Variants in PRKG1 observed in about 807,000 individuals in gnomAD.
The protein encoded by PRKG1 is cGMP-dependent protein kinase 1.
In PRKG1, 35 loss-of-function variants were observed where a neutral mutation model predicts 88.1. The ratio of observed to expected loss-of-function variants is 0.40; its 90% CI spans 0.30 to 0.53. The LOEUF (loss-of-function observed/expected upper bound fraction) is 0.53, where lower values mean the gene tolerates loss of function less well. Ranked by LOEUF, PRKG1 falls within the 20% of genes least tolerant of loss-of-function variation. PRKG1 has a pLI of 0.59. For synonymous variants in PRKG1, 303 were observed against 292.5 expected (o/e 1.04, Z -0.37); for missense variants, 540 against 839.8 (o/e 0.64, Z 4.41).
intron 4 of PRKG1, among the ~76,000 whole-genome samples, chr10:51,879,999 T>G (rs1031046692): frequency 3.3e-5 from 5 of 152,226 alleles, no homozygotes; most frequent in African/African-American, 9.6e-5. Flanking sequence ...GTAAGTGAGA[T>G]TTCTGCATTG....
chr10:51,223,463 G>A (rs1838606343), intron 2 of PRKG1, among the ~76,000 whole-genome samples: 1 of 152,108 alleles, frequency 6.6e-6, no homozygotes, highest in Non-Finnish European at 1.5e-5. Flanking sequence ...TGTTTACAAA[G>A]TGCTTTGCAC....
chr10:52,034,174 T>C (rs1219777476), intron 5 of PRKG1, among the ~76,000 whole-genome samples: 1 of 152,120 alleles, frequency 6.6e-6, no homozygotes, highest in Non-Finnish European at 1.5e-5. Flanking sequence ...TCACAGGGGA[T>C]GCCATGGCTT....
chr10:51,539,078 C>T (rs1229238125), intron 3 of PRKG1, among the ~76,000 whole-genome samples: 1 of 152,012 alleles, frequency 6.6e-6, no homozygotes, highest in Admixed American at 6.5e-5. Context: ...TTAATTTTAT[C>T]TGTCTTGGGT....
In PRKG1 at chr10:52,057,580, G is replaced by A. The variant is rs75323902; in HGVS notation, c.840+3019G>A. On this transcript the variant is annotated intron_variant, in intron 6 of 17. Transcript: ENST00000373980. ...ATTGAACAGGGAACAGGATGGGTAA[G>A]CAAAGTTGCAGAGTTCTAATAGTAG... Among the ~76,000 whole-genome samples the A allele has an allele frequency of 8.2e-3, 1,247 of 152,258 alleles. 14 individuals carry two copies. The highest frequency in any genetic ancestry group is 0.028 in the African/African-American group (1,177 of 41,538).
At chr10:52,078,788 C>T (rs1407244079) in intron 7 of PRKG1, among the ~76,000 whole-genome samples, 2 of 152,170 alleles carry the variant, frequency 1.3e-5, no homozygotes, top group Non-Finnish European at 2.9e-5. Flanking sequence ...GTCTAAATAT[C>T]CTGAAAAGTG....
At chr10:51,281,613 C>T (rs1163699531) in intron 2 of PRKG1, among the ~76,000 whole-genome samples, 3 of 152,218 alleles carry the variant, frequency 2.0e-5, no homozygotes, top group Non-Finnish European at 4.4e-5. Context: ...CCTCTGTAGA[C>T]TCCACCTCTG....
intron 5 of PRKG1, among the ~76,000 whole-genome samples, chr10:51,918,583 C>T (rs763370631): frequency 2.6e-5 from 4 of 152,118 alleles, no homozygotes; most frequent in South Asian, 2.1e-4. Flanking sequence ...GGAAAGTGTT[C>T]GAAATGGTTG....
At chr10:51,716,838 G>T (rs539595406) in intron 3 of PRKG1, among the ~76,000 whole-genome samples, 2 of 152,088 alleles carry the variant, frequency 1.3e-5, no homozygotes. Flanking sequence ...GATTATAGGT[G>T]CAGGCCACCA....
chr10:51,456,010 AC>A (rs1839574927), intron 2 of PRKG1, among the ~76,000 whole-genome samples: 1 of 152,174 alleles, frequency 6.6e-6, no homozygotes, highest in Non-Finnish European at 1.5e-5. Context: ...ATAAAGACAT[AC>A]CTGAGACTGG....
intron 5 of PRKG1, among the ~76,000 whole-genome samples, chr10:51,951,034 G>A (rs1780429479): frequency 6.6e-6 from 1 of 152,204 alleles, no homozygotes; most frequent in South Asian, 2.1e-4. Context: ...TATGGGAAAA[G>A]ACAACATTCA....
At chr10:51,031,881 G>T (rs896755026) in intron 1 of PRKG1, among the ~76,000 whole-genome samples, 4 of 152,134 alleles carry the variant, frequency 2.6e-5, no homozygotes, top group African/African-American at 9.7e-5. Flanking sequence ...CTTGAACTAA[G>T]AAATGAACCT....
chr10:51,027,328 G>T (rs1843220573), intron 1 of PRKG1, among the ~76,000 whole-genome samples: 1 of 152,296 alleles, frequency 6.6e-6, no homozygotes, highest in Non-Finnish European at 1.5e-5. Context: ...CTTCTCAAAG[G>T]TATATTGACC....
intron 5 of PRKG1, among the ~76,000 whole-genome samples, chr10:51,983,148 G>A (rs1445571390): frequency 1.3e-5 from 2 of 152,138 alleles, no homozygotes; most frequent in African/African-American, 4.8e-5. Context: ...TGTTGGCAAG[G>A]GTGGGGCACT....
In PRKG1 at chr10:51,632,940, A is replaced by G. The variant is rs1002730116; in HGVS notation, c.592+165104A>G. 1.6e-4 allele frequency among the ~76,000 whole-genome samples: 25 copies of G among 152,280 alleles called. No individual in the cohort carries two copies. In the East Asian group the frequency reaches 4.6e-3, roughly 28 times the overall value. On this transcript the variant is annotated intron_variant, in intron 3 of 17. Coordinates refer to ENST00000373980, the MANE Select transcript of PRKG1 (RefSeq NM_006258.4). ...AGCCCTTAGTATTTTCCAAACTCTT[A>G]TCAGCCTCTATAAAATTCCTATTTT...
At chr10:51,030,810 C>T (rs1843272741) in intron 1 of PRKG1, among the ~76,000 whole-genome samples, 1 of 152,166 alleles carries the variant, frequency 6.6e-6, no homozygotes, top group Non-Finnish European at 1.5e-5. Context: ...TAAAAGCTTC[C>T]TGAAGTCCTG....
intron 2 of PRKG1, among the ~76,000 whole-genome samples, chr10:51,362,138 C>CTTTTT (rs1713987503): frequency 6.6e-6 from 1 of 150,918 alleles, no homozygotes; most frequent in South Asian, 2.1e-4. Context: ...TTTTTTTTTG[C>CTTTTT]TTTTGTTTGT....
intron 5 of PRKG1, among the ~76,000 whole-genome samples, chr10:51,945,942 G>T (rs1394067046): frequency 8.0e-5 from 12 of 149,654 alleles, no homozygotes; most frequent in Non-Finnish European, 1.5e-4. Context: ...TCTTGGAGTT[G>T]CTCTTCTCGA....
intron 1 of PRKG1, among the ~76,000 whole-genome samples, chr10:51,113,069 T>A (rs1845016602): frequency 6.6e-6 from 1 of 152,200 alleles, no homozygotes; most frequent in Non-Finnish European, 1.5e-5. Flanking sequence ...ATTTTACACC[T>A]CTGTGCCAAC....
chr10:52,019,601 T>C (rs1589524044), intron 5 of PRKG1, among the ~76,000 whole-genome samples: 1 of 152,234 alleles, frequency 6.6e-6, no homozygotes, highest in East Asian at 1.9e-4. Context: ...GAGGATATTT[T>C]ATACTCTGTG....
Sources: allele counts gnomAD v4.1 joint callset (sites outside exome capture counted in the v4.1 genomes callset), GRCh38; gene constraint gnomAD v4.1.1; transcripts MANE v1.5; gene names NCBI Gene and HGNC (gene_info 2026-07-23, HGNC 2026-07-21).